The following WDR81 variants were observed in gnomAD, a reference collection of about 807,000 sequenced individuals.
WDR81 encodes WD repeat domain 81, also known as WD repeat-containing protein 81.
A neutral mutation model predicts 140.8 loss-of-function variants in WDR81; 92 were observed. The ratio of observed to expected loss-of-function variants is 0.65; its 90% CI spans 0.55 to 0.78. The LOEUF is 0.78. WDR81 is among the 30% of genes least tolerant of loss of function. The pLI is 0.00. For synonymous variants in WDR81, 1,183 were observed against 1,156.4 expected, an observed-to-expected ratio of 1.02 and a Z score of -0.47; for missense variants, 2,502 against 2,636.4, an observed-to-expected ratio of 0.95 and a Z score of 1.12.
intron 7 of WDR81, among the ~76,000 whole-genome samples, chr17:1,734,516 C>T (rs1388023697): frequency 2.0e-5 from 3 of 152,204 alleles, no homozygotes; most frequent in Non-Finnish European, 4.4e-5. Context: ...CGCAGTGGCT[C>T]ACGCCTGTAA....
At chr17:1,732,935 G>A in intron 6 of WDR81, 104 bp downstream of exon 6, 2 of 1,432,846 alleles carry the variant, frequency 1.4e-6, no homozygotes, top group Non-Finnish European at 1.9e-6. Flanking sequence ...GGTTCTAAGA[G>A]CCAGCAGGAT....
chr17:1,733,107 C>G (rs1026493262), intron 6 of WDR81: 2 of 482,274 alleles, frequency 4.1e-6, no homozygotes, highest in Non-Finnish European at 7.3e-6. Context: ...CAGGAGCTGG[C>G]GAGAGGGAAG....
In WDR81 at chr17:1,735,056, C is replaced by T. The variant is rs1289218370; in HGVS notation, c.5180-516C>T. On this transcript the variant is annotated intron_variant, in intron 7 of 9. Coordinates refer to ENST00000409644, the MANE Select transcript of WDR81 (RefSeq NM_001163809.2). The surrounding 1 kb of genome is among the most constrained non-coding windows in gnomAD (Gnocchi z 4.2). Reference sequence around the variant, plus strand: ...ATCTTTAGGCCGATGCAGTGGCTCACGCCTGTAATCTCAGCACTCTGGGAG... The same window carrying T: ...ATCTTTAGGCCGATGCAGTGGCTCATGCCTGTAATCTCAGCACTCTGGGAG... 2.6e-5 allele frequency among the ~76,000 whole-genome samples: 4 copies of T among 152,062 alleles called. No individual in the cohort carries two copies. Among genetic ancestry groups the T allele is most frequent in the East Asian group, 1.9e-4 (1 of 5,170 alleles).
upstream of WDR81, chr17:1,724,682 G>T: frequency 9.4e-7 from 1 of 1,062,764 alleles, no homozygotes; most frequent in Non-Finnish European, 1.1e-6. Context: ...TTCCGTGCTG[G>T]GGCGATCACG....
upstream of WDR81, among the ~76,000 whole-genome samples, chr17:1,721,482 GCA>G (rs2151156561): frequency 6.6e-6 from 1 of 151,546 alleles, no homozygotes; most frequent in Non-Finnish European, 1.5e-5. Flanking sequence ...ACAAATCACT[GCA>G]CTGCAGCCTG....
rs552440328 is a variant in WDR81, at chr17:1,735,580, C to G, written c.5188C>G (p.Leu1730Val). The G allele has an allele frequency of 6.8e-6, 11 of 1,610,580 alleles. No homozygotes were observed. The East Asian group carries it at 2.2e-4, about 33-fold the overall frequency. ...HVWDPFTGKT[L>V]RTVEPLDSRV... is the part of the protein sequence containing the mutation. ...GTGACTTTCCTTCCCAGGGAAGACCCTTCGCACAGTGGAGCCGCTGGACAG... is the reference window on the plus strand; with the variant it reads ...GTGACTTTCCTTCCCAGGGAAGACCGTTCGCACAGTGGAGCCGCTGGACAG... Residue 1730 changes from leucine to valine, a missense_variant, in exon 8 of 10, where the codon CTT becomes GTT. Coordinates refer to ENST00000409644, the MANE Select transcript of WDR81 (RefSeq NM_001163809.2). The surrounding 1 kb of genome is among the most constrained non-coding windows in gnomAD (Gnocchi z 4.2).
At position 1,734,143 on chromosome 17, in the gene WDR81, C is replaced by T. The variant is rs372716005; in HGVS notation, c.5106C>T (p.Phe1702=). 9.8e-5 allele frequency: 156 copies of T among 1,599,140 alleles called. No homozygotes were observed. The highest frequency in any genetic ancestry group is 4.9e-4 in the Middle Eastern group (3 of 6,062). Residue 1702 remains phenylalanine (F), a synonymous_variant, in exon 7 of 10, where the codon TTC becomes TTT. Transcript: ENST00000409644. The part of the protein sequence containing the change: ...VYTQHRKSVF[F]VGQLEAPQHV... ...CCCAGCACCGCAAGAGCGTCTTCTT[C>T]GTGGGCCAGCTTGAGGCCCCGCAGC...
upstream of WDR81, among the ~76,000 whole-genome samples, chr17:1,724,091 G>T (rs1252723193): frequency 6.6e-6 from 1 of 152,034 alleles, no homozygotes; most frequent in Non-Finnish European, 1.5e-5. Context: ...CTGGCCGGGC[G>T]CGGTGGCTCA....
At position 1,735,727 on chromosome 17, in the gene WDR81, G is replaced by T. The variant is rs199991690; in HGVS notation, c.5325+10G>T. ...GAAGCCTGGTCTGCAGGTCAGGGGG[G>T]TCCAGTTCCCTGAGCACTCGCCTGG... On this transcript the variant is annotated intron_variant, in intron 8 of 9. Transcript: ENST00000409644. The surrounding 1 kb of genome is among the most constrained non-coding windows in gnomAD (Gnocchi z 4.2). The T allele has an allele frequency of 4.4e-6, 7 of 1,605,744 alleles. No individual in the cohort carries two copies. The highest frequency in any genetic ancestry group is 5.1e-6 in the Non-Finnish European group (6 of 1,176,314).
At chr17:1,722,749 G>T (rs1388328018), upstream of WDR81, among the ~76,000 whole-genome samples, 1 of 145,852 alleles carries the variant, frequency 6.9e-6, no homozygotes, top group African/African-American at 2.6e-5. Context: ...CTGGAGTGCA[G>T]TGGTGTGATC....
rs771114477 is a variant in WDR81, at chr17:1,728,424, A to AGAG, written c.3477_3479dup (p.Glu1159dup). 7 of 1,612,308 alleles carry AGAG rather than the reference A, an allele frequency of 4.3e-6. No individual in the cohort carries two copies. In the Admixed American group the frequency reaches 8.3e-5, roughly 19 times the overall value. On this transcript the variant is annotated inframe_insertion, in exon 1 of 10. Coordinates refer to ENST00000409644, the MANE Select transcript of WDR81 (RefSeq NM_001163809.2). Reference sequence around the variant, plus strand: ...AGCAAAGCGAGGGCTCCGAGGAGGAAGAGGAGGAGGAGGACAGCTGCGTGG... The same window carrying AGAG: ...AGCAAAGCGAGGGCTCCGAGGAGGAAGAGGAGGAGGAGGAGGACAGCTGCGTGG...
At chr17:1,728,734 C>G in intron 1 of WDR81, 108 bp downstream of exon 1, 1 of 1,341,764 alleles carries the variant, frequency 7.5e-7, no homozygotes, top group Non-Finnish European at 9.7e-7. Context: ...GCGGGCGGAT[C>G]ACAAGGTCAG....
chr17:1,728,725 C>T (rs1597292342), intron 1 of WDR81, 99 bp downstream of exon 1: 35 of 1,356,308 alleles, frequency 2.6e-5, no homozygotes, highest in Middle Eastern at 2.2e-4. Flanking sequence ...GAGGCTGAGG[C>T]GGGCGGATCA....
intron 6 of WDR81, among the ~76,000 whole-genome samples, chr17:1,733,273 C>G (rs1241414280): frequency 1.3e-5 from 2 of 152,214 alleles, no homozygotes; most frequent in Non-Finnish European, 2.9e-5. Context: ...GCCAGGGCAC[C>G]ACCTGTCTTG....
chr17:1,724,090 C>T (rs550732294), upstream of WDR81, among the ~76,000 whole-genome samples: 253 of 152,140 alleles, frequency 1.7e-3, no homozygotes, highest in Non-Finnish European at 2.9e-3. Flanking sequence ...TCTGGCCGGG[C>T]GCGGTGGCTC....
chr17:1,734,299 T>C (rs550658216), intron 7 of WDR81, 83 bp downstream of exon 7: 9 of 1,427,322 alleles, frequency 6.3e-6, no homozygotes, highest in Admixed American at 2.7e-5. Context: ...AGGGTGGGGC[T>C]GTAATGCTGC....
At position 1,726,100 on chromosome 17, in the gene WDR81, C is replaced by T; in HGVS notation, c.1141C>T (p.Pro381Ser). ...GRRQGDPNYH[P>S]VLPWVVDFTT... ...GCGGCAGGGGGACCCCAACTACCACCCCGTGCTGCCCTGGGTGGTGGACTT... is the reference window on the plus strand; with the variant it reads ...GCGGCAGGGGGACCCCAACTACCACTCCGTGCTGCCCTGGGTGGTGGACTT... The change falls in exon 1 of 10, where the codon CCC (proline) becomes TCC (serine). Residue 381 changes from proline to serine, a missense_variant. Pro to Ser is a moderately conservative substitution (Grantham distance 74, BLOSUM62 -1). Transcript: ENST00000409644. The T allele has an allele frequency of 6.5e-7, 1 of 1,547,206 alleles. No homozygotes were observed. Among genetic ancestry groups the T allele is most frequent in the Non-Finnish European group, 8.7e-7 (1 of 1,144,734 alleles).
chr17:1,725,843 T>C lies in WDR81; in HGVS notation c.884T>C (p.Leu295Pro), dbSNP rs1261197398. The C allele has an allele frequency of 1.3e-6, 2 of 1,550,672 alleles. No homozygotes were observed. The highest frequency in any genetic ancestry group is 2.4e-5 in the East Asian group (1 of 40,906). The stretch of plus-strand genomic sequence containing the variant: ...TATCACATCGCAGTGGATGAGAAGC[T>C]TTGCAGCGAGCTGCGACTGGACCTG... ...SLYHIAVDEK[L>P]CSELRLDLSA... The change falls in exon 1 of 10, where the codon CTT (leucine) becomes CCT (proline). Residue 295 changes from leucine (L) to proline (P), a missense_variant. By Grantham distance (98) the Leu-to-Pro change is moderately conservative (BLOSUM62 -3). Coordinates refer to ENST00000409644, the MANE Select transcript of WDR81 (RefSeq NM_001163809.2).
At chr17:1,721,892 G>A (rs111434571), upstream of WDR81, among the ~76,000 whole-genome samples, 5,205 of 152,038 alleles carry the variant, frequency 0.034, 302 homozygotes, top group African/African-American at 0.12. Context: ...GGAAGGCCAA[G>A]GCAGGCAGAT....
Sources: gnomAD v4.1 joint callset for allele counts (sites outside exome capture counted in the v4.1 genomes callset) on GRCh38, gnomAD v4.1.1 for gene constraint, Gnocchi (gnomAD v3.1) non-coding constraint, MANE v1.5 for transcripts, NCBI Gene and HGNC (gene_info 2026-07-23, HGNC 2026-07-21) for gene names.